Variants in DOCK1 observed in about 807,000 individuals in gnomAD.
The protein encoded by DOCK1 is dedicator of cytokinesis 1.
A neutral mutation model predicts 262.7 loss-of-function variants in DOCK1; 138 were observed. The observed-to-expected ratio is 0.53, with a 90% confidence interval of 0.46 to 0.61. DOCK1 has a LOEUF of 0.61. DOCK1 is among the 20% of genes least tolerant of loss of function. The probability of loss-of-function intolerance (pLI) is 0.00; values close to 1 mark genes in which losing one functional copy is unlikely to be tolerated. For missense variants in DOCK1, 1,908 were observed against 2,370.7 expected, an observed-to-expected ratio of 0.80 and a Z score of 4.05; for synonymous variants, 866 against 867.4, an observed-to-expected ratio of 1.00 and a Z score of 0.03.
At chr10:126,952,036 G>A (rs2036295274) in intron 1 of DOCK1, among the ~76,000 whole-genome samples, 1 of 152,072 alleles carries the variant, frequency 6.6e-6, no homozygotes, top group East Asian at 1.9e-4. Context: ...TCTTAGTAGA[G>A]ATGGGATTTC....
intron 1 of DOCK1, 41 bp from the exon 2 acceptor site, chr10:126,970,661 T>A (rs769157163): frequency 6.6e-6 from 10 of 1,512,506 alleles, no homozygotes; most frequent in Non-Finnish European, 9.2e-6. Context: ...GTCACTTCTA[T>A]CTTTACTATT....
chr10:127,146,269 G>T, intron 27 of DOCK1: 2 of 231,154 alleles, frequency 8.7e-6, no homozygotes, highest in East Asian at 1.6e-4. Flanking sequence ...TTAACTAATT[G>T]TTTCACAAAT....
At chr10:127,301,427 T>C (rs2061674771) in intron 29 of DOCK1, among the ~76,000 whole-genome samples, 1 of 152,182 alleles carries the variant, frequency 6.6e-6, no homozygotes, top group Non-Finnish European at 1.5e-5. Context: ...TAAAACACAC[T>C]TCAGTGAGTA....
At chr10:127,005,150 A>G (rs1162592996) in intron 10 of DOCK1, among the ~76,000 whole-genome samples, 1 of 152,048 alleles carries the variant, frequency 6.6e-6, no homozygotes, top group Admixed American at 6.6e-5. Context: ...CAGCCTGGGC[A>G]ATATGGTGAA....
intron 25 of DOCK1, among the ~76,000 whole-genome samples, chr10:127,117,531 C>T (rs888992984): frequency 2.6e-5 from 4 of 152,096 alleles, no homozygotes; most frequent in African/African-American, 9.7e-5. Flanking sequence ...CAGTGTTGTG[C>T]TTATATGTTC....
intron 27 of DOCK1, among the ~76,000 whole-genome samples, chr10:127,135,155 A>G (rs115395806): frequency 0.01 from 1,543 of 152,282 alleles, 12 homozygotes; most frequent in African/African-American, 0.026. Flanking sequence ...ACCTCCTGCT[A>G]TGAGCCTGTG....
At chr10:126,948,585 G>T (rs1025671407) in intron 1 of DOCK1, among the ~76,000 whole-genome samples, 1 of 151,762 alleles carries the variant, frequency 6.6e-6, no homozygotes, top group South Asian at 2.1e-4. Context: ...CCTGAAACAG[G>T]GCCCTCAAAA....
At chr10:127,387,084 C>T (rs12221270) in intron 38 of DOCK1, among the ~76,000 whole-genome samples, 4 of 152,290 alleles carry the variant, frequency 2.6e-5, no homozygotes, top group South Asian at 4.1e-4. Flanking sequence ...CCGGGAGGCC[C>T]GAGGGCCAGA....
chr10:127,007,463 G>A (rs2041119010), intron 10 of DOCK1: 1 of 152,222 alleles, frequency 6.6e-6, no homozygotes, highest in South Asian at 2.1e-4. Context: ...GGTCTTGTGC[G>A]AAGAAAATAA....
intron 30 of DOCK1, among the ~76,000 whole-genome samples, chr10:127,341,325 G>T (rs1360187342): frequency 1.3e-5 from 2 of 152,198 alleles, no homozygotes; most frequent in African/African-American, 2.4e-5. Flanking sequence ...CCAGCTAGCA[G>T]AGTCGCTACT....
chr10:127,314,999 G>T (rs1321052986), intron 29 of DOCK1, among the ~76,000 whole-genome samples: 1 of 152,198 alleles, frequency 6.6e-6, no homozygotes, highest in African/African-American at 2.4e-5. Flanking sequence ...GCAGGGGAGT[G>T]CCTGCAGGGG....
In DOCK1 at chr10:127,425,968, A is replaced by T. The variant is rs1212201667; in HGVS notation, c.4871A>T (p.Gln1624Leu). 1 of 1,614,046 alleles carries T rather than the reference A, an allele frequency of 6.2e-7. No homozygotes were observed. The change falls in exon 47 of 52, where the codon CAG (glutamine) becomes CTG (leucine). Residue 1624 changes from glutamine to leucine, a missense_variant. Coordinates refer to ENST00000623213, the MANE Select transcript of DOCK1 (RefSeq NM_001290223.2). ...FHERMEACFK[Q>L]LKEKVEKEYG... ...GAGAGGATGGAGGCCTGTTTCAAAC[A>T]GCTGAAGGAAAAGGTGGAGAAAGAG... is the stretch of plus-strand genomic sequence containing the variant.
In DOCK1 at chr10:127,380,089, A is replaced by G; in HGVS notation, c.3683A>G (p.Tyr1228Cys). 1.3e-6 allele frequency: 2 copies of G among 1,523,110 alleles called. No individual in the cohort carries two copies. The highest frequency in any genetic ancestry group is 1.2e-5 in the South Asian group (1 of 82,262). The allele number at this position is 1,523,110 out of a possible 1,614,324, so 94.3% of individuals were successfully genotyped here. A position where few individuals can be genotyped will look rare whatever the true frequency, so the allele number is the denominator to read the frequency against. The change falls in exon 36 of 52, where the codon TAC becomes TGC. Residue 1228 changes from tyrosine (Y) to cysteine (C), a missense_variant. Transcript: ENST00000623213. ...TATGGTTTAACTTTTCAGAATTTCTACAAAGAAATTGAAAGAGAAGAAATG... is the reference window on the plus strand; with the variant it reads ...TATGGTTTAACTTTTCAGAATTTCTGCAAAGAAATTGAAAGAGAAGAAATG... ...MSCTVNVLNF[Y>C]KEIEREEMYI... is the part of the protein sequence containing the mutation.
intron 29 of DOCK1, among the ~76,000 whole-genome samples, chr10:127,278,710 T>C (rs1425966028): frequency 1.3e-5 from 2 of 152,204 alleles, no homozygotes; most frequent in Non-Finnish European, 2.9e-5. Flanking sequence ...AACTTAACTT[T>C]GTTTTTCTTC....
At chr10:126,992,540 G>A (rs1452386248) in intron 6 of DOCK1, among the ~76,000 whole-genome samples, 1 of 152,134 alleles carries the variant, frequency 6.6e-6, no homozygotes, top group Non-Finnish European at 1.5e-5. Flanking sequence ...TTTAAGGTGG[G>A]TGGATTTAAT....
At chr10:127,275,756 G>GTAGA (rs74543006) in intron 29 of DOCK1, among the ~76,000 whole-genome samples, 46,113 of 151,798 alleles carry the variant, frequency 0.3, 8,147 homozygotes, top group South Asian at 0.55. Context: ...CAACCTGTGT[G>GTAGA]TAGATGTAGG....
At chr10:126,950,372 G>C (rs2036103391) in intron 1 of DOCK1, among the ~76,000 whole-genome samples, 1 of 152,070 alleles carries the variant, frequency 6.6e-6, no homozygotes, top group Admixed American at 6.6e-5. Context: ...TCTGGTCTGT[G>C]CTTGCCTGCA....
intron 1 of DOCK1, among the ~76,000 whole-genome samples, chr10:126,941,997 G>C (rs1003874798): frequency 0.053 from 7,988 of 152,032 alleles, 270 homozygotes; most frequent in Middle Eastern, 0.11. Flanking sequence ...AGAGGGTGTC[G>C]GATGTGTGTT....
intron 49 of DOCK1, among the ~76,000 whole-genome samples, chr10:127,439,882 C>T: frequency 6.6e-6 from 1 of 152,110 alleles, no homozygotes; most frequent in East Asian, 1.9e-4. Flanking sequence ...GCGGTGAAAC[C>T]CAGGAGCCGG....
Sources: gnomAD v4.1 joint callset for allele counts (sites outside exome capture counted in the v4.1 genomes callset) on GRCh38, gnomAD v4.1.1 for gene constraint, MANE v1.5 for transcripts, NCBI Gene and HGNC (gene_info 2026-07-23, HGNC 2026-07-21) for gene names.